Variants in SMYD3 observed in about 807,000 individuals in gnomAD.
SMYD3 encodes histone-lysine N-methyltransferase SMYD3.
A neutral mutation model predicts 57.7 loss-of-function variants in SMYD3; 36 were observed. The observed-to-expected ratio is 0.62, with a 90% CI of 0.48 to 0.82. The LOEUF (loss-of-function observed/expected upper bound fraction) is 0.82, where lower values mean the gene tolerates loss of function less well. Among genes scored for constraint, SMYD3 ranks in the 40% least tolerant of loss-of-function variants. The pLI, the probability that SMYD3 is intolerant of heterozygous loss-of-function variation, is 0.00. For synonymous variants in SMYD3, 211 were observed against 195.0 expected (o/e 1.08, Z -0.68); for missense variants, 515 against 538.8 (o/e 0.96, Z 0.44).
At chr1:246,073,071 C>T (rs2060485531) in intron 5 of SMYD3, among the ~76,000 whole-genome samples, 1 of 152,170 alleles carries the variant, frequency 6.6e-6, no homozygotes, top group Non-Finnish European at 1.5e-5. Context: ...TTGATGACTG[C>T]AGTTACAACG....
intron 5 of SMYD3, among the ~76,000 whole-genome samples, chr1:246,225,321 C>CAAAAAAAAAAAAAAAAAAAAAAA (rs60915002): frequency 6.6e-5 from 5 of 76,302 alleles, no homozygotes; most frequent in African/African-American, 1.4e-4. Flanking sequence ...GCTGAAAAGT[C>CAAAAAAAAAAAAAAAAAAAAAAA]AAAAAAAAAA....
intron 10 of SMYD3, among the ~76,000 whole-genome samples, chr1:245,793,146 A>G (rs1333006204): frequency 6.7e-6 from 1 of 148,244 alleles, no homozygotes; most frequent in East Asian, 2.0e-4. Flanking sequence ...CGTCTCTACT[A>G]AAAATACAAA....
chr1:246,217,492 G>C lies in SMYD3; in HGVS notation c.531+109709C>G, dbSNP rs1413293184. Among the ~76,000 whole-genome samples, 5 of 152,116 alleles carry C rather than the reference G, an allele frequency of 3.3e-5. 1 individual carries two copies. In the South Asian group the frequency reaches 1.0e-3, roughly 32 times the overall value. ...CAACTGCACTCCAGCCTGGGTAATAGACCAAGACCCTGTCTCAAAATATAA... is the reference window on the plus strand; with the variant it reads ...CAACTGCACTCCAGCCTGGGTAATACACCAAGACCCTGTCTCAAAATATAA... On this transcript the variant is annotated intron_variant, in intron 5 of 11. Transcript: ENST00000490107.
rs143861327 is a variant in SMYD3, at chr1:246,397,403, A to G, written c.165-42309T>C. Among the ~76,000 whole-genome samples, 195 of 152,292 alleles carry G rather than the reference A, an allele frequency of 1.3e-3. 1 individual carries two copies. Among genetic ancestry groups the G allele is most frequent in the Non-Finnish European group, 2.2e-3 (147 of 68,022 alleles). ...GGTTGGGACTGCTGGTACATCATAT[A>G]TTAGCTCTGTGACCTTCTTAACTAT... is the stretch of plus-strand genomic sequence containing the variant. On this transcript the variant is annotated intron_variant, in intron 1 of 11. Coordinates refer to ENST00000490107, the MANE Select transcript of SMYD3 (RefSeq NM_001167740.2).
intron 5 of SMYD3, among the ~76,000 whole-genome samples, chr1:246,153,479 C>A (rs185529919): frequency 4.6e-5 from 7 of 151,852 alleles, no homozygotes; most frequent in Admixed American, 1.3e-4. Flanking sequence ...TTTGATTGGC[C>A]GATTGCTTTT....
intron 5 of SMYD3, among the ~76,000 whole-genome samples, chr1:246,257,403 C>G (rs1311610712): frequency 6.6e-6 from 1 of 152,006 alleles, no homozygotes; most frequent in African/African-American, 2.4e-5. Flanking sequence ...TTATGTAATG[C>G]CTTTCTTTGT....
Position 246,481,621 on chromosome 1 carries a change from T to C in SMYD3, c.164+25433A>G, listed in dbSNP as rs373255541. 1.1e-3 allele frequency among the ~76,000 whole-genome samples: 111 copies of C among 98,460 alleles called. 5 individuals are homozygous for C. The highest frequency in any genetic ancestry group is 8.0e-3 in the East Asian group (22 of 2,736). 64.6% of individuals were successfully genotyped at this position (98,460 alleles called of 152,430 possible). ...ATATATATATATACACATACATATA[T>C]ACATACATACATACACATATTCATA... On this transcript the variant is annotated intron_variant, in intron 1 of 11. Transcript: ENST00000490107.
intron 5 of SMYD3, among the ~76,000 whole-genome samples, chr1:245,932,722 C>A (rs1441392058): frequency 6.6e-6 from 1 of 152,144 alleles, no homozygotes; most frequent in Non-Finnish European, 1.5e-5. Flanking sequence ...CCACCTCTGA[C>A]TAATTTTTTA....
intron 1 of SMYD3, among the ~76,000 whole-genome samples, chr1:246,381,700 A>T (rs1299819052): frequency 6.6e-6 from 1 of 152,230 alleles, no homozygotes. Flanking sequence ...TAAAGAAACA[A>T]ATGTGTTTAC....
chr1:246,217,586 T>C (rs1206918736), intron 5 of SMYD3, among the ~76,000 whole-genome samples: 1 of 152,142 alleles, frequency 6.6e-6, no homozygotes, highest in Non-Finnish European at 1.5e-5. Context: ...GCAGAAGTAT[T>C]ATATTGCTGA....
chr1:246,445,170 A>C (rs771425700), intron 1 of SMYD3, among the ~76,000 whole-genome samples: 10 of 152,240 alleles, frequency 6.6e-5, no homozygotes, highest in Non-Finnish European at 1.3e-4. Flanking sequence ...AATAAATGCT[A>C]ACACAACATT....
intron 5 of SMYD3, among the ~76,000 whole-genome samples, chr1:246,282,337 A>AAAAAAAAAAAAAAAAAT (rs2064466579): frequency 7.6e-6 from 1 of 130,780 alleles, no homozygotes; most frequent in Non-Finnish European, 1.6e-5. Context: ...AAAAAAAAAA[A>AAAAAAAAAAAAAAAAAT]AAAGCAAAAA....
intron 5 of SMYD3, among the ~76,000 whole-genome samples, chr1:246,077,773 C>G (rs929689416): frequency 3.9e-5 from 6 of 152,030 alleles, no homozygotes; most frequent in Non-Finnish European, 8.8e-5. Context: ...TCTGTAATGA[C>G]AGTTCTCATC....
At chr1:245,757,737 A>G (rs2045669274) in intron 11 of SMYD3, among the ~76,000 whole-genome samples, 1 of 152,170 alleles carries the variant, frequency 6.6e-6, no homozygotes, top group African/African-American at 2.4e-5. Flanking sequence ...TTGATCATAT[A>G]TGCGAGGGTT....
intron 1 of SMYD3, among the ~76,000 whole-genome samples, chr1:246,498,805 G>A (rs1042789015): frequency 2.0e-5 from 3 of 150,714 alleles, no homozygotes; most frequent in Non-Finnish European, 4.4e-5. Flanking sequence ...TGAACCAGAC[G>A]CTACGGTCTG....
intron 1 of SMYD3, among the ~76,000 whole-genome samples, chr1:246,443,147 T>C (rs1279807641): frequency 6.6e-6 from 1 of 152,128 alleles, no homozygotes; most frequent in Non-Finnish European, 1.5e-5. Flanking sequence ...CATATATACA[T>C]GCCTAAGAAA....
At chr1:246,255,791 A>G (rs1315020361) in intron 5 of SMYD3, among the ~76,000 whole-genome samples, 3 of 130,352 alleles carry the variant, frequency 2.3e-5, no homozygotes, top group South Asian at 2.6e-4. Flanking sequence ...TTTTTTTTCT[A>G]GTTGGTAGGT....
intron 5 of SMYD3, among the ~76,000 whole-genome samples, chr1:246,227,417 C>T (rs2333997): frequency 0.21 from 31,533 of 152,118 alleles, 3,973 homozygotes; most frequent in East Asian, 0.58. Context: ...AGATCGAGAC[C>T]ATCCTGGCTA....
At chr1:246,467,989 C>T (rs1184872931) in intron 1 of SMYD3, among the ~76,000 whole-genome samples, 1 of 151,788 alleles carries the variant, frequency 6.6e-6, no homozygotes, top group Non-Finnish European at 1.5e-5. Context: ...GGCGAAACCC[C>T]GTTTCTACTA....
Sources: gnomAD v4.1 joint callset for allele counts (sites outside exome capture counted in the v4.1 genomes callset) on GRCh38, gnomAD v4.1.1 for gene constraint, MANE v1.5 for transcripts, NCBI Gene and HGNC (gene_info 2026-07-23, HGNC 2026-07-21) for gene names.